PPP1R2: variants seen among roughly 807,000 people sequenced by gnomAD.
PPP1R2 encodes protein phosphatase inhibitor 2.
In PPP1R2, 16 loss-of-function variants were observed where a neutral mutation model predicts 29.9. That is an observed-to-expected ratio of 0.53 (90% CI 0.36 to 0.81). PPP1R2 has a LOEUF of 0.81. Among genes scored for constraint, PPP1R2 ranks in the 30% least tolerant of loss-of-function variants. The probability of loss-of-function intolerance (pLI) is 0.00; values close to 1 mark genes in which losing one functional copy is unlikely to be tolerated. For missense variants in PPP1R2, 197 were observed against 252.7 expected (o/e 0.78, Z 1.49); for synonymous variants, 76 against 91.5 (o/e 0.83, Z 0.96).
intron 1 of PPP1R2, among the ~76,000 whole-genome samples, chr3:195,532,988 A>G (rs139842529): frequency 6.6e-6 from 1 of 152,298 alleles, no homozygotes; most frequent in African/African-American, 2.4e-5. Flanking sequence ...AGTACATACT[A>G]TTCTATGTCA....
chr3:195,543,325 C>G lies in PPP1R2; in HGVS notation c.-300G>C, dbSNP rs1719685597. Reference sequence around the variant, plus strand: ...GCGCAGGAGCGACGCGACGCCGAAGCCAAGCGGACCCGCCCTCTCGCGATA... The same window carrying G: ...GCGCAGGAGCGACGCGACGCCGAAGGCAAGCGGACCCGCCCTCTCGCGATA... On this transcript the variant is annotated 5_prime_UTR_variant, in exon 1 of 6. Transcript: ENST00000618156. 4.4e-6 allele frequency: 1 copy of G among 229,624 alleles called. No individual in the cohort carries two copies. The highest frequency in any genetic ancestry group is 5.8e-5 in the Admixed American group (1 of 17,228). The allele number at this position is 229,624 out of a possible 1,614,324, so 14.2% of individuals were successfully genotyped here.
In PPP1R2 at chr3:195,542,890, C is replaced by T. The variant is rs2108958253; in HGVS notation, c.122+14G>A. On this transcript the variant is annotated intron_variant, in intron 1 of 5. Transcript: ENST00000618156. ...GGAAGGAGGGGCTCCCAGGCCGTCCCTCCCAGCGCTCACCTCAGCTCCTCG... is the reference window on the plus strand; with the variant it reads ...GGAAGGAGGGGCTCCCAGGCCGTCCTTCCCAGCGCTCACCTCAGCTCCTCG... 1 of 1,594,280 alleles carries T rather than the reference C, an allele frequency of 6.3e-7. No homozygotes were observed. The highest frequency in any genetic ancestry group is 8.5e-7 in the Non-Finnish European group (1 of 1,170,718).
In PPP1R2 at chr3:195,514,610, T is replaced by C. The variant is rs1483708969; in HGVS notation, c.*2286A>G. The C allele has an allele frequency of 2.6e-5, 4 of 152,156 alleles. No homozygotes were observed. The highest frequency in any genetic ancestry group is 2.9e-5 in the Non-Finnish European group (2 of 68,012). 9.4% of individuals were successfully genotyped at this position (152,156 alleles called of 1,614,324 possible). Reference sequence around the variant, plus strand: ...TCATCTCTGCAGAATTTTAGACAAATGAAAACAGACAAGGTAACACCAAAT... The same window carrying C: ...TCATCTCTGCAGAATTTTAGACAAACGAAAACAGACAAGGTAACACCAAAT... On this transcript the variant is annotated 3_prime_UTR_variant, in exon 6 of 6. Coordinates refer to ENST00000618156, the MANE Select transcript of PPP1R2 (RefSeq NM_006241.8).
chr3:195,520,542 G>A (rs906006693), intron 4 of PPP1R2, among the ~76,000 whole-genome samples: 2 of 152,144 alleles, frequency 1.3e-5, no homozygotes, highest in Non-Finnish European at 2.9e-5. Context: ...AGCTTAGAAG[G>A]CTGAAACTGC....
intron 5 of PPP1R2, among the ~76,000 whole-genome samples, chr3:195,517,351 G>A (rs1718583285): frequency 6.6e-6 from 1 of 152,108 alleles, no homozygotes; most frequent in Admixed American, 6.6e-5. Flanking sequence ...GGAGGAGACT[G>A]GCACTGTCCC....
At chr3:195,542,811 C>T (rs1719645577) in intron 1 of PPP1R2, 93 bp downstream of exon 1, 4 of 1,409,172 alleles carry the variant, frequency 2.8e-6, no homozygotes, top group African/African-American at 3.0e-5. Flanking sequence ...GCACCCGAGC[C>T]GCATCCACGC....
At chr3:195,536,068 C>T (rs965468001) in intron 1 of PPP1R2, among the ~76,000 whole-genome samples, 11 of 152,156 alleles carry the variant, frequency 7.2e-5, no homozygotes, top group African/African-American at 1.7e-4. Context: ...ATTATAAGAA[C>T]GCAGTAACAT....
chr3:195,529,988 T>C, intron 1 of PPP1R2, 87 bp from the exon 2 acceptor site: 2 of 934,138 alleles, frequency 2.1e-6, no homozygotes, highest in South Asian at 3.2e-5. Context: ...AATTTAACAT[T>C]TCAACTTCTA....
At chr3:195,524,768 C>T (rs1284043351) in intron 3 of PPP1R2, 51 bp downstream of exon 3, 2 of 1,571,814 alleles carry the variant, frequency 1.3e-6, no homozygotes, top group South Asian at 1.1e-5. Flanking sequence ...TTCAACTCTG[C>T]ACGATTATAA....
chr3:195,522,029 A>C (rs1405054746), intron 4 of PPP1R2, among the ~76,000 whole-genome samples: 9 of 152,230 alleles, frequency 5.9e-5, no homozygotes, highest in African/African-American at 2.2e-4. Context: ...CAAGTGAATT[A>C]TTCTTTTTAT....
Position 195,514,794 on chromosome 3 carries a change from A to C in PPP1R2, c.*2102T>G, listed in dbSNP as rs1718483549. The C allele has an allele frequency of 6.4e-6, 1 of 156,094 alleles. No individual in the cohort carries two copies. Among genetic ancestry groups the C allele is most frequent in the Non-Finnish European group, 1.4e-5 (1 of 70,630 alleles). 9.7% of individuals were successfully genotyped at this position (156,094 alleles called of 1,614,324 possible). ...ATACCCTATCAATTACCTACTTATG[A>C]CTTGAACATACCTTTTCTCAGCTGC... On this transcript the variant is annotated 3_prime_UTR_variant, in exon 6 of 6. Coordinates refer to ENST00000618156, the MANE Select transcript of PPP1R2 (RefSeq NM_006241.8).
At chr3:195,542,617 T>G (rs900606303) in intron 1 of PPP1R2, among the ~76,000 whole-genome samples, 6 of 152,000 alleles carry the variant, frequency 3.9e-5, no homozygotes, top group African/African-American at 1.5e-4. Flanking sequence ...CAGTCGAAGA[T>G]CTGAAGCTTC....
intron 1 of PPP1R2, among the ~76,000 whole-genome samples, chr3:195,534,676 C>G (rs1000931553): frequency 1.3e-5 from 2 of 152,024 alleles, no homozygotes; most frequent in African/African-American, 4.8e-5. Flanking sequence ...TAAGGAAGTA[C>G]CTTGCCAATA....
intron 1 of PPP1R2, among the ~76,000 whole-genome samples, chr3:195,537,481 TTGTGTGTGTGTG>T (rs71180930): frequency 1.4e-4 from 18 of 128,574 alleles, no homozygotes; most frequent in African/African-American, 2.4e-4. Flanking sequence ...GGATTAGCTA[TTGTGTGTGTGTG>T]TGTGTGTGTG....
chr3:195,520,962 C>G (rs1225434000), intron 4 of PPP1R2, among the ~76,000 whole-genome samples: 1 of 152,148 alleles, frequency 6.6e-6, no homozygotes, highest in Non-Finnish European at 1.5e-5. Flanking sequence ...AGACACCGCA[C>G]CTGGCCAGTA....
chr3:195,519,932 A>C (rs34577120), intron 4 of PPP1R2, among the ~76,000 whole-genome samples: 2,738 of 147,982 alleles, frequency 0.019, 32 homozygotes, highest in Admixed American at 0.027. Context: ...AAAAAAAAAA[A>C]CAACAGAAAA....
intron 1 of PPP1R2, among the ~76,000 whole-genome samples, chr3:195,531,990 G>A (rs1719196889): frequency 6.6e-6 from 1 of 152,132 alleles, no homozygotes; most frequent in Non-Finnish European, 1.5e-5. Flanking sequence ...ATCTCACTAA[G>A]CATAATGTCT....
chr3:195,521,759 T>C (rs35789243), intron 4 of PPP1R2, among the ~76,000 whole-genome samples: 111,729 of 151,852 alleles, frequency 0.74, 41,333 homozygotes, highest in East Asian at 0.88. Context: ...CAAGCAATTC[T>C]TGTGCCCCAG....
intron 2 of PPP1R2, among the ~76,000 whole-genome samples, chr3:195,527,395 A>G: frequency 6.6e-6 from 1 of 152,020 alleles, no homozygotes; most frequent in African/African-American, 2.4e-5. Flanking sequence ...GCTTGCAGTG[A>G]GCTGAGATCG....
Sources: gnomAD v4.1 joint callset for allele counts (sites outside exome capture counted in the v4.1 genomes callset) on GRCh38, gnomAD v4.1.1 for gene constraint, MANE v1.5 for transcripts, NCBI Gene and HGNC (gene_info 2026-07-23, HGNC 2026-07-21) for gene names.